CTNNA3: variants seen among roughly 807,000 people sequenced by gnomAD.
CTNNA3 encodes the protein catenin alpha 3.
CTNNA3 carries 76 observed loss-of-function variants against 95.7 expected under a neutral mutation model. The ratio of observed to expected loss-of-function variants is 0.79; its 90% CI spans 0.66 to 0.96. The LOEUF is 0.96. Ranked by LOEUF, CTNNA3 falls within the 40% of genes least tolerant of loss-of-function variation. CTNNA3 has a pLI of 0.00. For synonymous variants in CTNNA3, 431 were observed against 374.4 expected, an observed-to-expected ratio of 1.15 and a Z score of -1.74; for missense variants, 1,191 against 1,089.8, an observed-to-expected ratio of 1.09 and a Z score of -1.31.
chr10:67,525,879 A>G (rs905804338), intron 4 of CTNNA3, among the ~76,000 whole-genome samples: 1 of 152,290 alleles, frequency 6.6e-6, no homozygotes, highest in Non-Finnish European at 1.5e-5. Context: ...TCATGCATTT[A>G]TACGAGGTGC....
chr10:67,071,054 T>C (rs945662756), intron 7 of CTNNA3, among the ~76,000 whole-genome samples: 3 of 152,194 alleles, frequency 2.0e-5, no homozygotes, highest in Non-Finnish European at 4.4e-5. Flanking sequence ...GTTTTAAACT[T>C]CATTTATCAC....
At chr10:67,473,212 C>A (rs1239276120) in intron 5 of CTNNA3, among the ~76,000 whole-genome samples, 1 of 152,086 alleles carries the variant, frequency 6.6e-6, no homozygotes, top group Non-Finnish European at 1.5e-5. Flanking sequence ...TCTTTAATAT[C>A]CAGATAAAAT....
chr10:67,586,724 A>G (rs554879710), intron 3 of CTNNA3, among the ~76,000 whole-genome samples: 8 of 152,276 alleles, frequency 5.3e-5, no homozygotes, highest in Admixed American at 4.6e-4. Flanking sequence ...ATATGCTTAG[A>G]TCTTTTTTAA....
At chr10:66,369,645 A>C (rs1455503218) in intron 12 of CTNNA3, among the ~76,000 whole-genome samples, 1 of 152,216 alleles carries the variant, frequency 6.6e-6, no homozygotes, top group Non-Finnish European at 1.5e-5. Flanking sequence ...GATTTCATTG[A>C]ATAAAATATT....
At chr10:66,014,581 G>A (rs141319234) in intron 15 of CTNNA3, among the ~76,000 whole-genome samples, 4 of 151,964 alleles carry the variant, frequency 2.6e-5, no homozygotes, top group African/African-American at 9.7e-5. Flanking sequence ...TGTGTTTTTG[G>A]TCTAGTATAA....
chr10:66,524,767 A>C (rs1386534213), intron 10 of CTNNA3, among the ~76,000 whole-genome samples: 1 of 152,100 alleles, frequency 6.6e-6, no homozygotes, highest in Admixed American at 6.6e-5. Context: ...AAAAAAAAAT[A>C]GGCCAGGTGC....
chr10:65,959,473 T>G lies in CTNNA3; in HGVS notation c.2400+7139A>C, dbSNP rs10996796. On this transcript the variant is annotated intron_variant, in intron 17 of 17. Transcript: ENST00000433211. ...AATCACCCATCTTCTGTATCGCTCA[T>G]GCTGGGAGCTGTGGACTGGAGCTGT... 2.9e-3 allele frequency among the ~76,000 whole-genome samples: 444 copies of G among 152,306 alleles called. 2 individuals are homozygous for G. Among genetic ancestry groups the G allele is most frequent in the African/African-American group, 9.8e-3 (409 of 41,570 alleles).
chr10:66,176,956 A>T (rs66808843), intron 13 of CTNNA3, among the ~76,000 whole-genome samples: 7,191 of 151,032 alleles, frequency 0.048, 212 homozygotes, highest in African/African-American at 0.067. Context: ...TAGTTTCTTA[A>T]GGGAAAAAAA....
intron 5 of CTNNA3, among the ~76,000 whole-genome samples, chr10:67,250,756 A>G (rs1866076771): frequency 6.6e-6 from 1 of 152,216 alleles, no homozygotes; most frequent in South Asian, 2.1e-4. Flanking sequence ...GAGAAATGCA[A>G]ATAAAACCAC....
chr10:66,693,049 A>C (rs1198665190), intron 9 of CTNNA3, among the ~76,000 whole-genome samples: 1 of 152,214 alleles, frequency 6.6e-6, no homozygotes, highest in African/African-American at 2.4e-5. Flanking sequence ...AAGAAACTGC[A>C]TCAACTAACG....
intron 5 of CTNNA3, among the ~76,000 whole-genome samples, chr10:67,292,400 T>C (rs1467412986): frequency 6.6e-6 from 1 of 151,926 alleles, no homozygotes; most frequent in Non-Finnish European, 1.5e-5. Context: ...TTTGAGGTAT[T>C]TTTTTTTCCG....
chr10:65,918,839 A>G lies in CTNNA3; in HGVS notation c.*1491T>C, dbSNP rs917878317. The G allele has an allele frequency of 2.0e-5, 3 of 152,094 alleles. No individual in the cohort carries two copies. The highest frequency in any genetic ancestry group is 1.9e-4 in the East Asian group (1 of 5,190). 9.4% of individuals were successfully genotyped at this position (152,094 alleles called of 1,614,324 possible). ...AGATTCCACACATATCGTACTGTCAATCTTTATGCTTTTCTATGTTTCATG... is the reference window on the plus strand; with the variant it reads ...AGATTCCACACATATCGTACTGTCAGTCTTTATGCTTTTCTATGTTTCATG... On this transcript the variant is annotated 3_prime_UTR_variant, in exon 18 of 18. Coordinates refer to ENST00000433211, the MANE Select transcript of CTNNA3 (RefSeq NM_013266.4).
intron 7 of CTNNA3, among the ~76,000 whole-genome samples, chr10:66,841,765 T>C (rs1007229447): frequency 6.6e-6 from 1 of 152,182 alleles, no homozygotes; most frequent in Non-Finnish European, 1.5e-5. Context: ...GGTTCATAAA[T>C]GGGCTAGTAT....
At chr10:67,365,405 C>T (rs1336185971) in intron 5 of CTNNA3, among the ~76,000 whole-genome samples, 1 of 152,096 alleles carries the variant, frequency 6.6e-6, no homozygotes, top group South Asian at 2.1e-4. Flanking sequence ...AGCTTCTGCA[C>T]AGCAAAAGAA....
intron 17 of CTNNA3, among the ~76,000 whole-genome samples, chr10:65,939,950 T>C (rs1206484775): frequency 1.3e-5 from 2 of 152,160 alleles, no homozygotes; most frequent in Non-Finnish European, 2.9e-5. Flanking sequence ...GTATATTATT[T>C]ATGACAAAAT....
At chr10:67,438,513 G>T (rs1846383336) in intron 5 of CTNNA3, among the ~76,000 whole-genome samples, 1 of 152,144 alleles carries the variant, frequency 6.6e-6, no homozygotes, top group South Asian at 2.1e-4. Context: ...ACCATCAATT[G>T]TCCCTAAAGC....
intron 7 of CTNNA3, among the ~76,000 whole-genome samples, chr10:66,890,937 G>A (rs1478392617): frequency 6.6e-6 from 1 of 152,020 alleles, no homozygotes. Context: ...CCATTTGTGT[G>A]CCCCACCCAC....
intron 11 of CTNNA3, among the ~76,000 whole-genome samples, chr10:66,457,833 G>A (rs576707863): frequency 2.0e-5 from 3 of 152,070 alleles, no homozygotes; most frequent in Non-Finnish European, 4.4e-5. Flanking sequence ...CAGATAAGCA[G>A]CTTTATACTT....
chr10:66,008,786 G>C (rs2078946844), intron 15 of CTNNA3, among the ~76,000 whole-genome samples: 2 of 152,098 alleles, frequency 1.3e-5, no homozygotes, highest in African/African-American at 4.8e-5. Flanking sequence ...AGAAATTTGT[G>C]AATGAGTATT....
Sources: gnomAD v4.1 joint callset for allele counts (sites outside exome capture counted in the v4.1 genomes callset) on GRCh38, gnomAD v4.1.1 for gene constraint, MANE v1.5 for transcripts, NCBI Gene and HGNC (gene_info 2026-07-23, HGNC 2026-07-21) for gene names.